Variants in ALG9 observed in about 807,000 individuals in gnomAD.
The protein encoded by ALG9 is alpha-1,2-mannosyltransferase ALG9.
A neutral mutation model predicts 81.8 loss-of-function variants in ALG9; 55 were observed. The ratio of observed to expected loss-of-function variants is 0.67; its 90% CI spans 0.54 to 0.84. The LOEUF (loss-of-function observed/expected upper bound fraction) is 0.84. Ranked by LOEUF, ALG9 falls within the 40% of genes least tolerant of loss-of-function variation. The probability of loss-of-function intolerance (pLI) is 0.00; values close to 1 mark genes in which losing one functional copy is unlikely to be tolerated. For synonymous variants in ALG9, 278 were observed against 274.3 expected (o/e 1.01, Z -0.13); for missense variants, 629 against 745.0 (o/e 0.84, Z 1.81).
chr11:111,837,209 G>A (rs1418449179), intron 12 of ALG9, among the ~76,000 whole-genome samples: 1 of 152,094 alleles, frequency 6.6e-6, no homozygotes, highest in Non-Finnish European at 1.5e-5. Context: ...TAGGACCCAG[G>A]GCATTTTCAG....
At chr11:111,786,882 A>T (rs1482527614) in intron 14 of ALG9, among the ~76,000 whole-genome samples, 1 of 152,202 alleles carries the variant, frequency 6.6e-6, no homozygotes, top group African/African-American at 2.4e-5. Flanking sequence ...AAGAAACTGT[A>T]GAGATGCCAA....
rs886047673 is a variant in ALG9 at position 111,784,058 on chromosome 11, A to C, written c.*2339T>G. 3.9e-5 allele frequency: 6 copies of C among 152,262 alleles called. No individual in the cohort carries two copies. Among genetic ancestry groups the C allele is most frequent in the Non-Finnish European group, 8.8e-5 (6 of 68,044 alleles). 9.4% of individuals were successfully genotyped at this position (152,262 alleles called of 1,614,324 possible). A position where few individuals can be genotyped will look rare whatever the true frequency, so the allele number is the denominator to read the frequency against. ...ACCTCTGGGAAACATAGAGGGCCTT[A>C]GCTACTGTGAAGAACAGCACATTAT... On this transcript the variant is annotated 3_prime_UTR_variant, in exon 15 of 15. Transcript: ENST00000616540.
intron 13 of ALG9, among the ~76,000 whole-genome samples, chr11:111,815,251 A>T (rs1004848750): frequency 6.6e-5 from 10 of 152,104 alleles, no homozygotes; most frequent in Admixed American, 2.0e-4. Context: ...AATTTTTTTT[A>T]AAAATTGGCT....
intron 14 of ALG9, among the ~76,000 whole-genome samples, chr11:111,809,251 G>A (rs116189215): frequency 0.014 from 2,197 of 152,258 alleles, 65 homozygotes; most frequent in African/African-American, 0.05. Flanking sequence ...ATGATGGGCC[G>A]GGCATGGTGA....
At chr11:111,817,356 C>T (rs1286477749) in intron 13 of ALG9, 1 of 152,194 alleles carries the variant, frequency 6.6e-6, no homozygotes. Flanking sequence ...GTGATAATGC[C>T]TTCTGATATT....
chr11:111,768,135 G>T, the ALG9 span, among the ~76,000 whole-genome samples: 2 of 152,094 alleles, frequency 1.3e-5, no homozygotes, highest in South Asian at 4.1e-4. Context: ...TGCATCATGA[G>T]ATTGCACTAT....
At chr11:111,816,872 T>G (rs1313354216) in intron 13 of ALG9, among the ~76,000 whole-genome samples, 1 of 152,226 alleles carries the variant, frequency 6.6e-6, no homozygotes, top group Non-Finnish European at 1.5e-5. Context: ...AAGTCATTCT[T>G]AAACTTATAA....
At chr11:111,848,925 C>CT (rs1957330780) in intron 8 of ALG9, among the ~76,000 whole-genome samples, 1 of 152,176 alleles carries the variant, frequency 6.6e-6, no homozygotes, top group South Asian at 2.1e-4. Flanking sequence ...TATCTTTCCC[C>CT]TGTAGCACAT....
chr11:111,772,933 A>G, the ALG9 span, among the ~76,000 whole-genome samples: 4 of 152,190 alleles, frequency 2.6e-5, no homozygotes, highest in Non-Finnish European at 5.9e-5. Context: ...AGCACCATGC[A>G]GATGTTAGAA....
intron 13 of ALG9, among the ~76,000 whole-genome samples, chr11:111,811,933 A>G (rs897310494): frequency 3.3e-5 from 5 of 152,224 alleles, no homozygotes; most frequent in African/African-American, 1.2e-4. Flanking sequence ...AGAGTTGTAC[A>G]TTATAAATGT....
intron 13 of ALG9, chr11:111,814,812 G>A (rs1469216553): frequency 1.3e-5 from 2 of 152,132 alleles, no homozygotes. Flanking sequence ...AACACTTCAG[G>A]AAGTAGCCTT....
the ALG9 span, among the ~76,000 whole-genome samples, chr11:111,774,301 A>T: frequency 6.6e-6 from 1 of 152,100 alleles, no homozygotes; most frequent in East Asian, 1.9e-4. Flanking sequence ...GCTTGAACCC[A>T]GGAGGCACAG....
At chr11:111,796,827 A>C (rs967760789) in intron 14 of ALG9, among the ~76,000 whole-genome samples, 1 of 152,190 alleles carries the variant, frequency 6.6e-6, no homozygotes, top group African/African-American at 2.4e-5. Context: ...ATTGACATAC[A>C]GGGAAAAAAC....
At chr11:111,824,639 T>C (rs1475066511) in intron 13 of ALG9, among the ~76,000 whole-genome samples, 1 of 152,244 alleles carries the variant, frequency 6.6e-6, no homozygotes, top group East Asian at 1.9e-4. Context: ...AATCTTTTCC[T>C]ACCGTAATTT....
At chr11:111,819,079 T>C (rs782153618) in intron 13 of ALG9, among the ~76,000 whole-genome samples, 1 of 152,228 alleles carries the variant, frequency 6.6e-6, no homozygotes, top group Non-Finnish European at 1.5e-5. Flanking sequence ...AGAAACACTA[T>C]GGGGATCTGA....
chr11:111,825,253 A>T (rs1953036565), intron 13 of ALG9, among the ~76,000 whole-genome samples: 1 of 152,210 alleles, frequency 6.6e-6, no homozygotes, highest in African/African-American at 2.4e-5. Context: ...TTAAATTTTT[A>T]AAAATCACCT....
intron 14 of ALG9, 74 bp downstream of exon 14, chr11:111,809,569 A>C (rs1363069780): frequency 1.6e-5 from 25 of 1,573,034 alleles, no homozygotes; most frequent in Non-Finnish European, 2.1e-5. Flanking sequence ...CCAGGACTGG[A>C]AGTTATATAA....
intron 5 of ALG9, 154 bp from the exon 6 acceptor site, chr11:111,857,891 G>T: frequency 1.2e-6 from 1 of 844,490 alleles, no homozygotes; most frequent in Non-Finnish European, 1.8e-6. Context: ...GGACAGCAAA[G>T]TGATATTCTT....
chr11:111,778,539 TG>T (rs782483593), downstream of ALG9, among the ~76,000 whole-genome samples: 3 of 152,066 alleles, frequency 2.0e-5, no homozygotes, highest in Non-Finnish European at 4.4e-5. Context: ...AATAGGTCTG[TG>T]GTGGGGAAGA....
Sources: allele counts gnomAD v4.1 joint callset (sites outside exome capture counted in the v4.1 genomes callset), GRCh38; gene constraint gnomAD v4.1.1; transcripts MANE v1.5; gene names NCBI Gene and HGNC (gene_info 2026-07-23, HGNC 2026-07-21).